NYAP2: variants seen among roughly 807,000 people sequenced by gnomAD.
NYAP2 encodes the protein neuronal tyrosine-phosphorylated phosphoinositide-3-kinase adaptor 2.
A neutral mutation model predicts 50.4 loss-of-function variants in NYAP2; 23 were observed. The ratio of observed to expected loss-of-function variants is 0.46; its 90% CI spans 0.33 to 0.65. The LOEUF is 0.65. NYAP2 is among the 30% of genes least tolerant of loss of function. The pLI, the probability that NYAP2 is intolerant of heterozygous loss-of-function variation, is 0.02. For missense variants in NYAP2, 885 were observed against 861.0 expected (o/e 1.03, Z -0.35); for synonymous variants, 394 against 365.2 (o/e 1.08, Z -0.90).
intron 5 of NYAP2, among the ~76,000 whole-genome samples, chr2:225,596,442 G>A (rs1268611086): frequency 6.6e-6 from 1 of 152,122 alleles, no homozygotes; most frequent in African/African-American, 2.4e-5. Context: ...TGTATGCTCA[G>A]CATGTGTTCA....
At chr2:225,599,314 A>C (rs1300697833) in intron 5 of NYAP2, among the ~76,000 whole-genome samples, 1 of 152,238 alleles carries the variant, frequency 6.6e-6, no homozygotes, top group African/African-American at 2.4e-5. Context: ...TCCATGAAAA[A>C]AATTATATTC....
chr2:225,439,348 G>T (rs1689434387), intron 3 of NYAP2, among the ~76,000 whole-genome samples: 1 of 152,198 alleles, frequency 6.6e-6, no homozygotes, highest in Non-Finnish European at 1.5e-5. Flanking sequence ...GAGTTTCATT[G>T]AGATTAATGG....
chr2:225,413,432 A>G (rs148730193), intron 3 of NYAP2, among the ~76,000 whole-genome samples: 294 of 152,278 alleles, frequency 1.9e-3, no homozygotes, highest in African/African-American at 6.7e-3. Flanking sequence ...ATCTCAAGTG[A>G]TCTAGTCTCA....
intron 5 of NYAP2, among the ~76,000 whole-genome samples, chr2:225,617,836 A>T (rs563353133): frequency 7.2e-5 from 11 of 152,310 alleles, no homozygotes; most frequent in Non-Finnish European, 7.3e-5. Flanking sequence ...TGAGCCAGGG[A>T]TGGGATTAGA....
At chr2:225,583,770 G>T (rs1336402347) in intron 5 of NYAP2, among the ~76,000 whole-genome samples, 1 of 152,198 alleles carries the variant, frequency 6.6e-6, no homozygotes, top group East Asian at 1.9e-4. Flanking sequence ...GCCAGGCATG[G>T]TGGCTCGCGC....
At chr2:225,518,439 C>G (rs1238978215) in intron 4 of NYAP2, among the ~76,000 whole-genome samples, 1 of 145,064 alleles carries the variant, frequency 6.9e-6, no homozygotes, top group Non-Finnish European at 1.5e-5. Context: ...ATCATGGTAA[C>G]TATACTTAAT....
chr2:225,495,531 T>A (rs1301290105), intron 3 of NYAP2, among the ~76,000 whole-genome samples: 22 of 152,186 alleles, frequency 1.4e-4, no homozygotes, highest in Admixed American at 1.4e-3. Context: ...ACTCTACCCC[T>A]AATCTCTATG....
intron 5 of NYAP2, among the ~76,000 whole-genome samples, chr2:225,618,059 A>G (rs1693019698): frequency 6.6e-6 from 1 of 152,228 alleles, no homozygotes; most frequent in Non-Finnish European, 1.5e-5. Flanking sequence ...GACATGTGCC[A>G]TGGAAGGCAT....
intron 5 of NYAP2, among the ~76,000 whole-genome samples, chr2:225,588,378 A>G (rs1228899993): frequency 6.6e-6 from 1 of 151,832 alleles, no homozygotes; most frequent in Non-Finnish European, 1.5e-5. Context: ...TAGAAACCAC[A>G]GCTCCAAACA....
In NYAP2 at chr2:225,400,204, A is replaced by G. The variant is rs1056288345; in HGVS notation, c.-552A>G. On this transcript the variant is annotated 5_prime_UTR_variant, in exon 1 of 7. The change abolishes an upstream ATG in the 5' untranslated region. Coordinates refer to ENST00000636099, the Ensembl canonical transcript of NYAP2. ...AGAACGCTGGCAGCCTTGCCGTTCA[A>G]TGCAGACGGATTGCAGAAACAGAGA... The G allele has an allele frequency of 1.3e-5, 2 of 152,118 alleles. No individual in the cohort carries two copies. Among genetic ancestry groups the G allele is most frequent in the African/African-American group, 2.4e-5 (1 of 41,432 alleles). 9.4% of individuals were successfully genotyped at this position (152,118 alleles called of 1,614,324 possible).
At chr2:225,501,527 T>A (rs1574646436) in intron 3 of NYAP2, among the ~76,000 whole-genome samples, 1 of 152,226 alleles carries the variant, frequency 6.6e-6, no homozygotes, top group Non-Finnish European at 1.5e-5. Flanking sequence ...GTGCCTGGGG[T>A]CACAAAACTA....
At chr2:225,664,500 A>T in the NYAP2 span, among the ~76,000 whole-genome samples, 1 of 152,214 alleles carries the variant, frequency 6.6e-6, no homozygotes, top group Non-Finnish European at 1.5e-5. Context: ...CACAGTCATC[A>T]CATAGGCCCA....
intron 6 of NYAP2, among the ~76,000 whole-genome samples, chr2:225,648,812 GA>G (rs1357628822): frequency 6.6e-6 from 1 of 152,170 alleles, no homozygotes; most frequent in Non-Finnish European, 1.5e-5. Context: ...AGGAGCATGG[GA>G]AGGGGACAGA....
intron 3 of NYAP2, among the ~76,000 whole-genome samples, chr2:225,444,402 T>C (rs1689519412): frequency 6.6e-6 from 1 of 152,230 alleles, no homozygotes; most frequent in Non-Finnish European, 1.5e-5. Flanking sequence ...AAGATCATGA[T>C]GCAGACTGAA....
chr2:225,689,255 G>T, the NYAP2 span, among the ~76,000 whole-genome samples: 1 of 152,114 alleles, frequency 6.6e-6, no homozygotes, highest in Admixed American at 6.6e-5. Context: ...CAGAGAAAAT[G>T]AGCAATAGAT....
At position 225,595,587 on chromosome 2, in the gene NYAP2, A is replaced by G. The variant is rs145256784; in HGVS notation, c.1618+12552A>G. Among the ~76,000 whole-genome samples the G allele has an allele frequency of 4.8e-3, 725 of 152,360 alleles. 8 individuals are homozygous for G. The highest frequency in any genetic ancestry group is 0.017 in the African/African-American group (699 of 41,582). The stretch of plus-strand genomic sequence containing the variant: ...TTTTTGTCAATGTTGAAATGGTCAA[A>G]GAGAAGTTTTAAACCTAAGAAATTA... On this transcript the variant is annotated intron_variant, in intron 5 of 6. Coordinates refer to ENST00000636099, the Ensembl canonical transcript of NYAP2.
chr2:225,662,767 G>A, the NYAP2 span, among the ~76,000 whole-genome samples: 1 of 152,226 alleles, frequency 6.6e-6, no homozygotes, highest in African/African-American at 2.4e-5. Context: ...GAAAGGGGTA[G>A]AGGTTTTTCG....
chr2:225,587,858 G>A (rs1408482680), intron 5 of NYAP2, among the ~76,000 whole-genome samples: 5 of 150,910 alleles, frequency 3.3e-5, no homozygotes, highest in African/African-American at 4.9e-5. Context: ...ATACTCAACC[G>A]TATTCTACAT....
chr2:225,540,437 G>T (rs1691439855), intron 4 of NYAP2, among the ~76,000 whole-genome samples: 1 of 152,222 alleles, frequency 6.6e-6, no homozygotes, highest in African/African-American at 2.4e-5. Flanking sequence ...CATGGTGGCA[G>T]ACAAGACAAG....
Sources: gnomAD v4.1 joint callset for allele counts (sites outside exome capture counted in the v4.1 genomes callset) on GRCh38, gnomAD v4.1.1 for gene constraint, MANE v1.5 for transcripts, NCBI Gene and HGNC (gene_info 2026-07-23, HGNC 2026-07-21) for gene names.